Variants in RIC3 observed in about 807,000 individuals in gnomAD.
The protein encoded by RIC3 is protein RIC-3.
Under a neutral mutation model 27.3 loss-of-function variants are expected in RIC3, and 28 were observed. That is an observed-to-expected ratio of 1.02 (90% CI 0.76 to 1.41). The LOEUF (loss-of-function observed/expected upper bound fraction) is 1.41, where lower values mean the gene tolerates loss of function less well. RIC3 is among the 40% of genes most tolerant of loss of function. The pLI, the probability that RIC3 is intolerant of heterozygous loss-of-function variation, is 0.00. For synonymous variants in RIC3, 184 were observed against 160.4 expected, an observed-to-expected ratio of 1.15 and a Z score of -1.11; for missense variants, 501 against 444.7, an observed-to-expected ratio of 1.13 and a Z score of -1.14.
chr11:8,147,454 A>C (rs1373230834), intron 1 of RIC3, among the ~76,000 whole-genome samples: 3 of 149,986 alleles, frequency 2.0e-5, no homozygotes, highest in African/African-American at 7.3e-5. Context: ...AGAAAGAAAG[A>C]AAAAAAAAAG....
At chr11:8,140,321 T>A in intron 1 of RIC3, 128 bp from the exon 2 acceptor site, 2 of 784,814 alleles carry the variant, frequency 2.5e-6, no homozygotes, top group Non-Finnish European at 4.0e-6. Context: ...GCAACTTAAT[T>A]AAAAGGATAC....
chr11:8,094,904 G>A, the RIC3 span, among the ~76,000 whole-genome samples: 5 of 152,246 alleles, frequency 3.3e-5, no homozygotes, highest in East Asian at 1.9e-4. Context: ...CGGGCAGGGT[G>A]GCTGCCACCT....
At chr11:8,123,357 T>C (rs1016334999) in intron 5 of RIC3, among the ~76,000 whole-genome samples, 2 of 151,868 alleles carry the variant, frequency 1.3e-5, no homozygotes, top group Non-Finnish European at 2.9e-5. Context: ...CTTGAGAAAC[T>C]AGAGAAAGGC....
At chr11:8,140,847 A>G (rs1435318867) in intron 1 of RIC3, among the ~76,000 whole-genome samples, 2 of 152,074 alleles carry the variant, frequency 1.3e-5, no homozygotes, top group Admixed American at 6.6e-5. Flanking sequence ...CAGAAACCCT[A>G]CAAGCCAGAA....
At chr11:8,103,042 T>G (rs1263130742), downstream of RIC3, 1 of 152,260 alleles carries the variant, frequency 6.6e-6, no homozygotes, top group East Asian at 1.9e-4. Context: ...TTGTCTGGCT[T>G]TTTGCACGTG....
rs146452840 is a variant in RIC3 at position 8,128,720 on chromosome 11, G to A, written c.522-1913C>T. On this transcript the variant is annotated intron_variant, in intron 4 of 5. Coordinates refer to ENST00000309737, the MANE Select transcript of RIC3 (RefSeq NM_001206671.4). Reference sequence around the variant, plus strand: ...TCCACCTCCCTGAATTCTGGATTCCGTTCTATCATTTTATGAAAAGTTGCA... The same window carrying A: ...TCCACCTCCCTGAATTCTGGATTCCATTCTATCATTTTATGAAAAGTTGCA... Among the ~76,000 whole-genome samples the A allele has an allele frequency of 7.1e-3, 923 of 130,518 alleles. 20 individuals carry two copies. Among genetic ancestry groups the A allele is most frequent in the Admixed American group, 0.055 (721 of 13,192 alleles). The allele number at this position is 130,518 out of a possible 152,430, so 85.6% of individuals were successfully genotyped here.
intron 1 of RIC3, among the ~76,000 whole-genome samples, chr11:8,147,675 T>G (rs1173274756): frequency 6.6e-6 from 1 of 151,976 alleles, no homozygotes; most frequent in Non-Finnish European, 1.5e-5. Flanking sequence ...GAGACTTCAC[T>G]GTTTGTAGGG....
the RIC3 span, chr11:8,096,661 C>T: frequency 6.7e-7 from 1 of 1,495,746 alleles, no homozygotes; most frequent in South Asian, 1.1e-5. Flanking sequence ...TCCTTCATCC[C>T]TTCTTCTTCT....
chr11:8,098,675 C>G, the RIC3 span: 1 of 1,003,982 alleles, frequency 1.0e-6, no homozygotes. Context: ...GTTTTGCAGG[C>G]TCCTCATAGG....
At chr11:8,133,535 T>C (rs1014362155) in intron 4 of RIC3, among the ~76,000 whole-genome samples, 2 of 152,210 alleles carry the variant, frequency 1.3e-5, no homozygotes, top group African/African-American at 4.8e-5. Context: ...TGCTCCCCAG[T>C]TCCTAAGAGG....
At chr11:8,141,651 T>A (rs1279251221) in intron 1 of RIC3, among the ~76,000 whole-genome samples, 1 of 151,874 alleles carries the variant, frequency 6.6e-6, no homozygotes. Flanking sequence ...TACCCAGGAA[T>A]TGAACTCAGC....
At chr11:8,147,527 C>G (rs915538649) in intron 1 of RIC3, among the ~76,000 whole-genome samples, 5 of 152,000 alleles carry the variant, frequency 3.3e-5, no homozygotes, top group Admixed American at 3.3e-4. Flanking sequence ...CCTTGCAGGG[C>G]AATTTCAAGA....
chr11:8,130,124 C>G (rs1297706264), intron 4 of RIC3, among the ~76,000 whole-genome samples: 8 of 152,058 alleles, frequency 5.3e-5, no homozygotes, highest in Non-Finnish European at 8.8e-5. Flanking sequence ...TTTGGGGAAC[C>G]AACTCCTCTT....
chr11:8,104,508 T>C (rs1399460205), downstream of RIC3: 3 of 152,258 alleles, frequency 2.0e-5, no homozygotes, highest in Non-Finnish European at 4.4e-5. Context: ...ATTGTGATTA[T>C]ATTCCTGAGA....
intron 2 of RIC3, chr11:8,139,243 T>G (rs1948763261): frequency 6.6e-6 from 1 of 152,478 alleles, no homozygotes; most frequent in Admixed American, 6.5e-5. Flanking sequence ...GCAGAATTCC[T>G]GGGCGAGAAA....
rs1214175310 is a variant in RIC3, at chr11:8,110,044, T to TC, written c.*653dup. 1 of 157,524 alleles carries TC rather than the reference T, an allele frequency of 6.3e-6. No homozygotes were observed. Among genetic ancestry groups the TC allele is most frequent in the Admixed American group, 6.0e-5 (1 of 16,566 alleles). The allele number at this position is 157,524 out of a possible 1,614,324, so 9.8% of individuals were successfully genotyped here. ...TCCAGGTAGTATCAGAGTAAAACAG[T>TC]CCCCAAACAAGCCTCTGGGCTCATT... On this transcript the variant is annotated 3_prime_UTR_variant, in exon 6 of 6. Transcript: ENST00000309737.
At chr11:8,129,001 G>A (rs1301325917) in intron 4 of RIC3, among the ~76,000 whole-genome samples, 1 of 151,828 alleles carries the variant, frequency 6.6e-6, no homozygotes, top group Non-Finnish European at 1.5e-5. Flanking sequence ...TGATCCGCCC[G>A]CCTCGGCCTC....
chr11:8,143,836 G>T (rs1348247047), intron 1 of RIC3, among the ~76,000 whole-genome samples: 1 of 152,098 alleles, frequency 6.6e-6, no homozygotes. Flanking sequence ...CAGAGATATA[G>T]ATCAATGGAA....
In RIC3 at chr11:8,113,661, C is replaced by CAGCCCT. The variant is rs201670209; in HGVS notation, c.671-2525_671-2524insAGGGCT. 6.4e-3 allele frequency among the ~76,000 whole-genome samples: 975 copies of CAGCCCT among 152,306 alleles called. 21 individuals are homozygous for CAGCCCT. The highest frequency in any genetic ancestry group is 0.051 in the Admixed American group (775 of 15,290). On this transcript the variant is annotated intron_variant, in intron 5 of 5. Coordinates refer to ENST00000309737, the MANE Select transcript of RIC3 (RefSeq NM_001206671.4). ...TGGCCCCTGCATTCCCACAATCCAG[C>CAGCCCT]AGACCCTGGGTCTAGCCCAACCCAG...
Sources: gnomAD v4.1 joint callset for allele counts (sites outside exome capture counted in the v4.1 genomes callset) on GRCh38, gnomAD v4.1.1 for gene constraint, MANE v1.5 for transcripts, NCBI Gene and HGNC (gene_info 2026-07-23, HGNC 2026-07-21) for gene names.